Variants in MARCHF4 observed in about 807,000 individuals in gnomAD.
The protein encoded by MARCHF4 is E3 ubiquitin-protein ligase MARCHF4.
In MARCHF4, 14 loss-of-function variants were observed where a neutral mutation model predicts 43.9. The observed-to-expected ratio is 0.32, with a 90% CI of 0.21 to 0.50. The LOEUF is 0.50. Ranked by LOEUF, MARCHF4 falls within the 20% of genes least tolerant of loss-of-function variation. The pLI is 0.98. For synonymous variants in MARCHF4, 226 were observed against 213.3 expected, an observed-to-expected ratio of 1.06 and a Z score of -0.52; for missense variants, 468 against 536.7, an observed-to-expected ratio of 0.87 and a Z score of 1.27.
At chr2:216,264,901 G>A (rs1415839236) in intron 3 of MARCHF4, among the ~76,000 whole-genome samples, 1 of 152,134 alleles carries the variant, frequency 6.6e-6, no homozygotes, top group Non-Finnish European at 1.5e-5. Flanking sequence ...GGGAAAAGAG[G>A]GAAAAGCACA....
intron 1 of MARCHF4, among the ~76,000 whole-genome samples, chr2:216,344,152 G>A (rs991932128): frequency 6.6e-6 from 1 of 152,002 alleles, no homozygotes; most frequent in African/African-American, 2.4e-5. Flanking sequence ...AATGGGAAGT[G>A]GCATTTTTAC....
chr2:216,304,383 C>G (rs373741770), intron 1 of MARCHF4, among the ~76,000 whole-genome samples: 55 of 152,186 alleles, frequency 3.6e-4, no homozygotes, highest in African/African-American at 1.2e-3. Context: ...TATGAATACC[C>G]AGGGATAAAG....
Position 216,278,169 on chromosome 2 carries a change from T to C in MARCHF4, c.673-305A>G, listed in dbSNP as rs1691058503. On this transcript the variant is annotated intron_variant, in intron 2 of 3. Coordinates refer to ENST00000273067, the MANE Select transcript of MARCHF4 (RefSeq NM_020814.3). ...ATACACAGAGAAATGGAGGGAACAATGAAAATGCAGAGCTAGTGAGGGTGG... is the reference window on the plus strand; with the variant it reads ...ATACACAGAGAAATGGAGGGAACAACGAAAATGCAGAGCTAGTGAGGGTGG... 2.0e-5 allele frequency among the ~76,000 whole-genome samples: 3 copies of C among 152,272 alleles called. No homozygotes were observed. In the South Asian group the frequency reaches 6.2e-4, roughly 32 times the overall value.
intron 3 of MARCHF4, among the ~76,000 whole-genome samples, chr2:216,264,297 C>T (rs1453724821): frequency 6.6e-6 from 1 of 152,196 alleles, no homozygotes; most frequent in Admixed American, 6.5e-5. Flanking sequence ...AGAAAACAGA[C>T]ACTCAAACTG....
At chr2:216,312,623 A>G (rs567611208) in intron 1 of MARCHF4, among the ~76,000 whole-genome samples, 1 of 152,232 alleles carries the variant, frequency 6.6e-6, no homozygotes, top group East Asian at 1.9e-4. Context: ...TTTAATTTGC[A>G]TTCCTCTGAT....
intron 1 of MARCHF4, among the ~76,000 whole-genome samples, chr2:216,318,980 A>G (rs1691832553): frequency 6.6e-6 from 1 of 152,144 alleles, no homozygotes; most frequent in South Asian, 2.1e-4. Context: ...TGATTGCTGA[A>G]ATAATTCTGG....
chr2:216,344,372 G>A (rs775999809), intron 1 of MARCHF4, among the ~76,000 whole-genome samples: 4 of 152,098 alleles, frequency 2.6e-5, no homozygotes, highest in Non-Finnish European at 5.9e-5. Flanking sequence ...GAAGGAGAAC[G>A]CCGGCTGCCT....
intron 3 of MARCHF4, among the ~76,000 whole-genome samples, chr2:216,276,883 C>G (rs1409635672): frequency 6.6e-6 from 1 of 152,078 alleles, no homozygotes; most frequent in Non-Finnish European, 1.5e-5. Flanking sequence ...CAGCCCGCAA[C>G]CACCCAAACT....
chr2:216,343,829 G>A (rs753893974), intron 1 of MARCHF4, among the ~76,000 whole-genome samples: 2 of 152,180 alleles, frequency 1.3e-5, no homozygotes, highest in African/African-American at 4.8e-5. Context: ...GAAGTCGGGG[G>A]ACTTTGTGAA....
intron 3 of MARCHF4, among the ~76,000 whole-genome samples, chr2:216,276,214 C>T (rs1691019305): frequency 6.6e-6 from 1 of 152,224 alleles, no homozygotes; most frequent in Non-Finnish European, 1.5e-5. Context: ...AGAGGGGCCC[C>T]TCCACTGTTT....
At chr2:216,368,504 G>T (rs770574835) in intron 1 of MARCHF4, among the ~76,000 whole-genome samples, 11 of 152,140 alleles carry the variant, frequency 7.2e-5, no homozygotes, top group Admixed American at 7.2e-4. Context: ...GTAGCTCCAG[G>T]GATCACTGGT....
At chr2:216,291,606 C>A (rs1430306555) in intron 1 of MARCHF4, among the ~76,000 whole-genome samples, 1 of 152,146 alleles carries the variant, frequency 6.6e-6, no homozygotes, top group East Asian at 1.9e-4. Flanking sequence ...TAAATGCTGG[C>A]TAATAGGTAA....
intron 1 of MARCHF4, among the ~76,000 whole-genome samples, chr2:216,285,790 C>T (rs936705526): frequency 1.3e-5 from 2 of 152,136 alleles, no homozygotes; most frequent in African/African-American, 4.8e-5. Context: ...CCTCATTATT[C>T]GTGGCAGCAT....
chr2:216,286,406 G>C (rs1481935876), intron 1 of MARCHF4, among the ~76,000 whole-genome samples: 1 of 152,022 alleles, frequency 6.6e-6, no homozygotes, highest in Non-Finnish European at 1.5e-5. Flanking sequence ...GGCCATGGTG[G>C]CATGCTCCTA....
At chr2:216,266,460 C>A (rs1318799628) in intron 3 of MARCHF4, among the ~76,000 whole-genome samples, 8 of 152,184 alleles carry the variant, frequency 5.3e-5, no homozygotes, top group African/African-American at 1.9e-4. Flanking sequence ...ACACAAGTAC[C>A]TGCTCTTTCA....
At chr2:216,336,486 T>C (rs973035294) in intron 1 of MARCHF4, among the ~76,000 whole-genome samples, 1 of 152,088 alleles carries the variant, frequency 6.6e-6, no homozygotes, top group South Asian at 2.1e-4. Flanking sequence ...TACAACTATG[T>C]TAATCAGTAC....
At chr2:216,334,018 A>G (rs1692120217) in intron 1 of MARCHF4, among the ~76,000 whole-genome samples, 1 of 151,682 alleles carries the variant, frequency 6.6e-6, no homozygotes, top group Non-Finnish European at 1.5e-5. Flanking sequence ...AGAATAGAAC[A>G]TGACCCCCCA....
At chr2:216,287,813 G>T (rs577970682) in intron 1 of MARCHF4, among the ~76,000 whole-genome samples, 10 of 150,192 alleles carry the variant, frequency 6.7e-5, no homozygotes, top group Non-Finnish European at 1.2e-4. Flanking sequence ...AAAAAAAAAA[G>T]AACATGGTTT....
chr2:216,339,763 T>C (rs1005606862), intron 1 of MARCHF4, among the ~76,000 whole-genome samples: 3 of 152,100 alleles, frequency 2.0e-5, no homozygotes, highest in Non-Finnish European at 2.9e-5. Context: ...TTGGGTTTTA[T>C]TGGGGCCTCT....
Sources: gnomAD v4.1 joint callset for allele counts (sites outside exome capture counted in the v4.1 genomes callset) on GRCh38, gnomAD v4.1.1 for gene constraint, MANE v1.5 for transcripts, NCBI Gene and HGNC (gene_info 2026-07-23, HGNC 2026-07-21) for gene names.